Variants in PCDH15 observed in about 807,000 individuals in gnomAD.
The protein encoded by PCDH15 is protocadherin related 15, also known as protocadherin-15.
Under a neutral mutation model 178.5 loss-of-function variants are expected in PCDH15, and 129 were observed. The observed-to-expected ratio is 0.72, with a 90% CI of 0.63 to 0.84. The LOEUF (loss-of-function observed/expected upper bound fraction) is 0.84. PCDH15 is among the 40% of genes least tolerant of loss of function. The pLI is 0.00. For missense variants in PCDH15, 2,230 were observed against 2,099.9 expected, an observed-to-expected ratio of 1.06 and a Z score of -1.21; for synonymous variants, 800 against 732.0, an observed-to-expected ratio of 1.09 and a Z score of -1.50.
At position 55,590,023 on chromosome 10, in the gene PCDH15, T is replaced by C. The variant is rs543487782; in HGVS notation, c.-156+37602A>G. Among the ~76,000 whole-genome samples, 1,131 of 147,250 alleles carry C rather than the reference T, an allele frequency of 7.7e-3. 16 individuals are homozygous for C. Among genetic ancestry groups the C allele is most frequent in the African/African-American group, 0.026 (1,062 of 40,378 alleles). On this transcript the variant is annotated intron_variant, in intron 2 of 5. Coordinates refer to the PCDH15 transcript ENST00000613346. The stretch of plus-strand genomic sequence containing the variant: ...AAAGACACATGCACACGTATGTTTA[T>C]TGTGGCACTATTCACAATAGCAAAG...
chr10:53,897,088 C>T (rs1004194327), intron 26 of PCDH15, among the ~76,000 whole-genome samples: 4 of 152,048 alleles, frequency 2.6e-5, no homozygotes, highest in East Asian at 1.9e-4. Context: ...GGTTGGGGAC[C>T]GCTGGTGTAG....
chr10:53,942,756 G>A (rs2086182249), intron 23 of PCDH15, among the ~76,000 whole-genome samples: 1 of 152,158 alleles, frequency 6.6e-6, no homozygotes, highest in Non-Finnish European at 1.5e-5. Flanking sequence ...AGCCCTGGAT[G>A]ACACCTTGAT....
At chr10:54,469,603 A>G (rs929399186) in intron 3 of PCDH15, among the ~76,000 whole-genome samples, 4 of 152,132 alleles carry the variant, frequency 2.6e-5, no homozygotes, top group Non-Finnish European at 5.9e-5. Context: ...GTGCAGGTCA[A>G]TTATGTCTTT....
intron 20 of PCDH15, among the ~76,000 whole-genome samples, chr10:54,001,980 A>C (rs997734972): frequency 2.8e-4 from 42 of 151,484 alleles, no homozygotes; most frequent in African/African-American, 9.9e-4. Context: ...AGAGACAAAG[A>C]AGGTCACTAT....
intron 2 of PCDH15, among the ~76,000 whole-genome samples, chr10:55,424,339 C>T (rs975930742): frequency 6.6e-6 from 1 of 152,086 alleles, no homozygotes; most frequent in Non-Finnish European, 1.5e-5. Context: ...CTTGGCTTAT[C>T]TTTCTTACAC....
chr10:54,135,518 A>T (rs2042831756), intron 14 of PCDH15, among the ~76,000 whole-genome samples: 1 of 152,214 alleles, frequency 6.6e-6, no homozygotes. Context: ...AAGAATCGTC[A>T]TTCTGAGGTA....
At chr10:54,576,572 A>T (rs567079589) in intron 2 of PCDH15, among the ~76,000 whole-genome samples, 3 of 152,340 alleles carry the variant, frequency 2.0e-5, no homozygotes, top group African/African-American at 7.2e-5. Context: ...TTATCAAAGA[A>T]AAGAGTGATA....
intron 2 of PCDH15, among the ~76,000 whole-genome samples, chr10:55,068,825 T>A (rs1314473466): frequency 1.3e-5 from 2 of 151,808 alleles, no homozygotes; most frequent in African/African-American, 4.8e-5. Context: ...TCTTTCACCT[T>A]TTTGATTAAA....
intron 2 of PCDH15, among the ~76,000 whole-genome samples, chr10:54,655,252 AAGAAAGAGAGAGAGAGAGAGAGAG>A (rs1241461420): frequency 4.3e-5 from 2 of 46,290 alleles, no homozygotes; most frequent in South Asian, 9.8e-4. Context: ...GAAAGAAAGA[AAGAAAGAGAGAGAGAGAGAGAGAG>A]AGAGAGAGAG....
chr10:55,482,816 G>A, intron 2 of PCDH15, among the ~76,000 whole-genome samples: 1 of 151,770 alleles, frequency 6.6e-6, no homozygotes, highest in Non-Finnish European at 1.5e-5. Flanking sequence ...TCTTCTCCTG[G>A]AGTATCTTAC....
chr10:54,030,385 T>C (rs1291877400), intron 18 of PCDH15, among the ~76,000 whole-genome samples: 1 of 150,646 alleles, frequency 6.6e-6, no homozygotes, highest in Non-Finnish European at 1.5e-5. Context: ...TTTTTTTTTT[T>C]TTTAAGGAGC....
chr10:54,328,353 T>C (rs1938641428), intron 7 of PCDH15, among the ~76,000 whole-genome samples: 1 of 152,026 alleles, frequency 6.6e-6, no homozygotes, highest in African/African-American at 2.4e-5. Flanking sequence ...CGTAAGCTTG[T>C]CACTTAATAT....
chr10:54,282,443 A>C (rs1220570304), intron 8 of PCDH15, among the ~76,000 whole-genome samples: 1 of 152,106 alleles, frequency 6.6e-6, no homozygotes, highest in African/African-American at 2.4e-5. Context: ...TATAGCTGAC[A>C]TTTGAACACA....
At chr10:54,706,614 A>G (rs113043288) in intron 1 of PCDH15, among the ~76,000 whole-genome samples, 2,924 of 152,114 alleles carry the variant, frequency 0.019, 86 homozygotes, top group African/African-American at 0.065. Flanking sequence ...AATGGGGGCG[A>G]GGAAGACATA....
At chr10:54,888,177 C>T (rs1488278053) in intron 3 of PCDH15, among the ~76,000 whole-genome samples, 2 of 152,092 alleles carry the variant, frequency 1.3e-5, no homozygotes, top group Non-Finnish European at 2.9e-5. Context: ...CTCTGTTAAA[C>T]CTTTTCCTTC....
At chr10:54,277,734 T>C (rs2058429816) in intron 8 of PCDH15, among the ~76,000 whole-genome samples, 1 of 151,550 alleles carries the variant, frequency 6.6e-6, no homozygotes, top group Non-Finnish European at 1.5e-5. Context: ...CAAGACTTTA[T>C]AAGGGAACAT....
At chr10:54,505,431 T>A (rs545013564) in intron 3 of PCDH15, among the ~76,000 whole-genome samples, 1 of 152,258 alleles carries the variant, frequency 6.6e-6, no homozygotes, top group South Asian at 2.1e-4. Context: ...ACAGATTTGA[T>A]CATATGCCAA....
At chr10:53,860,754 T>A (rs1308889969) in intron 27 of PCDH15, among the ~76,000 whole-genome samples, 1 of 151,338 alleles carries the variant, frequency 6.6e-6, no homozygotes, top group East Asian at 1.9e-4. Context: ...AAAGTGAGAT[T>A]TTGTGCAAAA....
At chr10:55,139,694 A>C (rs1387479248) in intron 2 of PCDH15, among the ~76,000 whole-genome samples, 1 of 152,038 alleles carries the variant, frequency 6.6e-6, no homozygotes, top group Non-Finnish European at 1.5e-5. Context: ...ATTGCTATAC[A>C]TTAAGTATAT....
Sources: gnomAD v4.1 joint callset for allele counts (sites outside exome capture counted in the v4.1 genomes callset) on GRCh38, gnomAD v4.1.1 for gene constraint, MANE v1.5 for transcripts, NCBI Gene and HGNC (gene_info 2026-07-23, HGNC 2026-07-21) for gene names.